SUMF1: variants seen among roughly 807,000 people sequenced by gnomAD.
SUMF1 encodes the protein formylglycine-generating enzyme.
SUMF1 carries 48 observed loss-of-function variants against 47.6 expected under a neutral mutation model. The observed-to-expected ratio is 1.01, with a 90% CI of 0.80 to 1.28. SUMF1 has a LOEUF of 1.28. Ranked by LOEUF, SUMF1 falls within the 50% of genes most tolerant of loss-of-function variation. The pLI, the probability that SUMF1 is intolerant of heterozygous loss-of-function variation, is 0.00. For synonymous variants in SUMF1, 230 were observed against 192.1 expected (o/e 1.20, Z -1.63); for missense variants, 571 against 485.4 (o/e 1.18, Z -1.66).
intron 3 of SUMF1, among the ~76,000 whole-genome samples, chr3:4,438,047 G>T (rs1007312628): frequency 6.6e-6 from 1 of 151,804 alleles, no homozygotes; most frequent in African/African-American, 2.4e-5. Context: ...GTAGATACCA[G>T]ACAAAATAGA....
chr3:4,181,017 A>T (rs557043200), intron 8 of SUMF1, among the ~76,000 whole-genome samples: 35 of 152,180 alleles, frequency 2.3e-4, no homozygotes, highest in Non-Finnish European at 4.3e-4. Context: ...TTAGTGAATC[A>T]AGTAGCTGGA....
chr3:4,086,934 G>A (rs1692685271), intron 8 of SUMF1, among the ~76,000 whole-genome samples: 1 of 152,160 alleles, frequency 6.6e-6, no homozygotes, highest in East Asian at 1.9e-4. Flanking sequence ...ATGTGGAACT[G>A]TGAATCCATT....
chr3:4,254,887 G>A (rs1426396824), intron 8 of SUMF1, among the ~76,000 whole-genome samples: 1 of 152,102 alleles, frequency 6.6e-6, no homozygotes, highest in Non-Finnish European at 1.5e-5. Context: ...ACCCTCAAAG[G>A]GAAGCCCATC....
intron 7 of SUMF1, among the ~76,000 whole-genome samples, chr3:4,398,772 C>T (rs1473808009): frequency 6.6e-6 from 1 of 152,212 alleles, no homozygotes; most frequent in African/African-American, 2.4e-5. Flanking sequence ...CACTGTATGA[C>T]ATAGCGATTC....
chr3:4,250,976 G>C (rs886150515), intron 8 of SUMF1, among the ~76,000 whole-genome samples: 1 of 152,136 alleles, frequency 6.6e-6, no homozygotes, highest in African/African-American at 2.4e-5. Flanking sequence ...AGATCAAGGA[G>C]TAATCTTGAC....
At chr3:4,100,960 C>T (rs1475547645) in intron 8 of SUMF1, among the ~76,000 whole-genome samples, 1 of 151,992 alleles carries the variant, frequency 6.6e-6, no homozygotes, top group East Asian at 1.9e-4. Flanking sequence ...GACATAGCAA[C>T]TCACATCTGT....
chr3:4,092,285 A>C (rs1200766309), intron 8 of SUMF1, among the ~76,000 whole-genome samples: 9 of 152,084 alleles, frequency 5.9e-5, no homozygotes, highest in Admixed American at 5.9e-4. Context: ...ACAGGACTTG[A>C]AATCACCAGA....
intron 3 of SUMF1, among the ~76,000 whole-genome samples, chr3:4,443,992 G>C (rs1702695323): frequency 6.6e-6 from 1 of 151,978 alleles, no homozygotes; most frequent in Non-Finnish European, 1.5e-5. Context: ...TGAGAATACT[G>C]ACCCAATGAC....
chr3:4,160,827 T>A (rs941388205), intron 8 of SUMF1, among the ~76,000 whole-genome samples: 2 of 152,110 alleles, frequency 1.3e-5, no homozygotes, highest in Non-Finnish European at 2.9e-5. Flanking sequence ...GTCCTTAGTC[T>A]CTTATTTAGT....
intron 8 of SUMF1, among the ~76,000 whole-genome samples, chr3:4,118,046 A>G (rs1421354037): frequency 6.6e-6 from 1 of 152,160 alleles, no homozygotes; most frequent in Non-Finnish European, 1.5e-5. Flanking sequence ...CACCCTTAAC[A>G]TTCATGGTCA....
intron 7 of SUMF1, among the ~76,000 whole-genome samples, chr3:4,409,263 G>A (rs1701467228): frequency 1.3e-5 from 2 of 152,152 alleles, no homozygotes; most frequent in Admixed American, 6.5e-5. Flanking sequence ...TTGGGGTTTA[G>A]TTCTCAAAAC....
intron 5 of SUMF1, 78 bp downstream of exon 5, chr3:4,417,932 T>C (rs1701767357): frequency 1.2e-6 from 2 of 1,608,050 alleles, no homozygotes; most frequent in East Asian, 2.2e-5. Context: ...CCAAAGTAAG[T>C]TCCATGGAGT....
intron 8 of SUMF1, among the ~76,000 whole-genome samples, chr3:4,265,377 C>A (rs1697171176): frequency 6.6e-6 from 1 of 152,058 alleles, no homozygotes; most frequent in Non-Finnish European, 1.5e-5. Context: ...TTATTTACAA[C>A]AGTAATTTCA....
At position 4,242,479 on chromosome 3, in the gene SUMF1, T is replaced by C. The variant is rs866644677; in HGVS notation, c.1014+133851A>G. Among the ~76,000 whole-genome samples, 13 of 152,340 alleles carry C rather than the reference T, an allele frequency of 8.5e-5. No individual in the cohort carries two copies. In the South Asian group the frequency reaches 1.0e-3, roughly 12 times the overall value. On this transcript the variant is annotated intron_variant and NMD_transcript_variant, in intron 8 of 12. Coordinates refer to the SUMF1 transcript ENST00000448413. Reference sequence around the variant, plus strand: ...CCTAGTTTATTGAGAATTTTTAGCATGAAACACTGTTGAATTTTGTCAAAG... The same window carrying C: ...CCTAGTTTATTGAGAATTTTTAGCACGAAACACTGTTGAATTTTGTCAAAG...
chr3:4,305,458 TTTC>T (rs1346704280), intron 8 of SUMF1, among the ~76,000 whole-genome samples: 2 of 152,146 alleles, frequency 1.3e-5, no homozygotes, highest in African/African-American at 4.8e-5. Flanking sequence ...TTGTAAAATG[TTTC>T]TTATCTAACT....
intron 8 of SUMF1, among the ~76,000 whole-genome samples, chr3:4,375,496 A>G (rs73123367): frequency 0.039 from 6,000 of 152,232 alleles, 353 homozygotes; most frequent in African/African-American, 0.14. Context: ...TACAATGTGG[A>G]ATAAAGTTTG....
intron 8 of SUMF1, among the ~76,000 whole-genome samples, chr3:4,195,897 C>T (rs796729917): frequency 4.6e-5 from 7 of 152,116 alleles, no homozygotes; most frequent in African/African-American, 1.7e-4. Context: ...AGCTTCAAAA[C>T]ATGCTTGTCA....
intron 8 of SUMF1, among the ~76,000 whole-genome samples, chr3:4,157,027 G>A (rs187184670): frequency 6.6e-6 from 1 of 151,666 alleles, no homozygotes; most frequent in Admixed American, 6.5e-5. Flanking sequence ...GCATCTTTGA[G>A]TACCTATAGG....
In SUMF1 at chr3:4,330,812, G is replaced by A. The variant is rs998486753; in HGVS notation, c.1014+45518C>T. ...ACATTAGTGTATTACTAATGCTGAAGCCAATTTTTAGTAAAACATTGTCAA... is the reference window on the plus strand; with the variant it reads ...ACATTAGTGTATTACTAATGCTGAAACCAATTTTTAGTAAAACATTGTCAA... On this transcript the variant is annotated intron_variant and NMD_transcript_variant, in intron 8 of 12. Transcript: ENST00000448413. 5.9e-5 allele frequency among the ~76,000 whole-genome samples: 9 copies of A among 152,144 alleles called. No individual in the cohort carries two copies. The East Asian group carries it at 1.7e-3, about 29-fold the overall frequency.
Sources: allele counts gnomAD v4.1 joint callset (sites outside exome capture counted in the v4.1 genomes callset), GRCh38; gene constraint gnomAD v4.1.1; transcripts MANE v1.5; gene names NCBI Gene and HGNC (gene_info 2026-07-23, HGNC 2026-07-21).